The following NFIB variants were observed in gnomAD, a reference collection of about 807,000 sequenced individuals.
The protein encoded by NFIB is nuclear factor I B.
NFIB carries 11 observed loss-of-function variants against 61.5 expected under a neutral mutation model. The observed-to-expected ratio is 0.18, with a 90% CI of 0.11 to 0.30. NFIB has a LOEUF of 0.30. Among genes scored for constraint, NFIB ranks in the 10% least tolerant of loss-of-function variants. The pLI, the probability that NFIB is intolerant of heterozygous loss-of-function variation, is 1.00. For missense variants in NFIB, 471 were observed against 608.9 expected (o/e 0.77, Z 2.38); for synonymous variants, 260 against 216.5 (o/e 1.20, Z -1.76).
the NFIB span, among the ~76,000 whole-genome samples, chr9:14,435,069 C>G: frequency 6.6e-6 from 1 of 152,226 alleles, no homozygotes. Context: ...TCTTCCATCT[C>G]TCACAAATAC....
intron 1 of NFIB, among the ~76,000 whole-genome samples, chr9:14,346,380 C>T (rs1193567494): frequency 6.6e-6 from 1 of 150,770 alleles, no homozygotes; most frequent in Admixed American, 6.6e-5. Context: ...TCATCTGCCA[C>T]GTGTGATAGG....
At chr9:14,480,400 C>CCT in the NFIB span, among the ~76,000 whole-genome samples, 2 of 152,102 alleles carry the variant, frequency 1.3e-5, no homozygotes, top group African/African-American at 4.8e-5. Flanking sequence ...TTCAGACTCC[C>CCT]CTCAAGAGAC....
At chr9:14,377,013 A>T (rs981122800) in intron 1 of NFIB, among the ~76,000 whole-genome samples, 1 of 152,204 alleles carries the variant, frequency 6.6e-6, no homozygotes, top group Non-Finnish European at 1.5e-5. Context: ...CCAAAAAGAT[A>T]TACTGTATAA....
At chr9:14,329,662 G>A (rs1024352126) in intron 1 of NFIB, among the ~76,000 whole-genome samples, 8 of 151,760 alleles carry the variant, frequency 5.3e-5, no homozygotes, top group East Asian at 2.0e-4. Flanking sequence ...CTACAGGTGC[G>A]TACCACCATG....
At chr9:14,405,644 G>A in the NFIB span, among the ~76,000 whole-genome samples, 1 of 152,202 alleles carries the variant, frequency 6.6e-6, no homozygotes, top group Non-Finnish European at 1.5e-5. Flanking sequence ...GGCAAGGATT[G>A]GCTTGTTTTC....
At chr9:14,388,246 A>C (rs949660250) in intron 1 of NFIB, among the ~76,000 whole-genome samples, 1 of 152,008 alleles carries the variant, frequency 6.6e-6, no homozygotes, top group African/African-American at 2.4e-5. Context: ...GGTGGTATGC[A>C]CCTGTAGTCC....
chr9:14,342,697 A>G (rs1374851997), intron 1 of NFIB, among the ~76,000 whole-genome samples: 2 of 152,126 alleles, frequency 1.3e-5, no homozygotes, highest in Non-Finnish European at 2.9e-5. Context: ...TTATATTCAA[A>G]CCATGTGTGT....
the NFIB span, among the ~76,000 whole-genome samples, chr9:14,506,530 A>G: frequency 2.1e-3 from 326 of 152,350 alleles, 1 homozygote; most frequent in African/African-American, 7.6e-3. Flanking sequence ...TAAGGACAAT[A>G]TAACATGAAG....
chr9:14,279,544 C>G (rs960142295), intron 2 of NFIB, among the ~76,000 whole-genome samples: 2 of 152,176 alleles, frequency 1.3e-5, no homozygotes, highest in African/African-American at 4.8e-5. Flanking sequence ...CTCAAGGCAA[C>G]AGAGATCGAT....
the NFIB span, among the ~76,000 whole-genome samples, chr9:14,510,644 T>C: frequency 5.3e-5 from 8 of 152,240 alleles, no homozygotes; most frequent in African/African-American, 1.7e-4. Context: ...GTATTTTTTA[T>C]TTTAAAAGTA....
At chr9:14,274,139 T>C (rs2057824193) in intron 2 of NFIB, among the ~76,000 whole-genome samples, 5 of 152,004 alleles carry the variant, frequency 3.3e-5, no homozygotes, top group Non-Finnish European at 5.9e-5. Flanking sequence ...AAATGACAGA[T>C]GCAAATTATT....
intron 10 of NFIB, 114 bp from the exon 11 acceptor site, chr9:14,088,440 C>G: frequency 8.8e-7 from 1 of 1,137,408 alleles, no homozygotes; most frequent in Non-Finnish European, 1.1e-6. Flanking sequence ...ATTGCTATCC[C>G]TATTTTCAAA....
At chr9:14,139,174 G>C (rs2041412985) in intron 6 of NFIB, among the ~76,000 whole-genome samples, 1 of 152,182 alleles carries the variant, frequency 6.6e-6, no homozygotes. Flanking sequence ...CTTGAACAAA[G>C]ATCTAGGCTC....
intron 1 of NFIB, among the ~76,000 whole-genome samples, chr9:14,348,857 C>G (rs912905269): frequency 6.6e-5 from 10 of 152,266 alleles, no homozygotes; most frequent in African/African-American, 2.4e-4. Flanking sequence ...GCACGATTCT[C>G]TAAGTTCGGA....
In NFIB at chr9:14,216,546, C is replaced by CTCTCTCTCTCTGTG. The variant is rs2050942500; in HGVS notation, c.563-36767_563-36766insCACAGAGAGAGAGA. ...TCTCTCTCTCTCTCTCTCTCTCCCT[C>CTCTCTCTCTCTGTG]TGTGTGTGTGTGTGTGTGTGTGTGT... On this transcript the variant is annotated intron_variant, in intron 2 of 10. Transcript: ENST00000380953. 9.3e-5 allele frequency among the ~76,000 whole-genome samples: 2 copies of CTCTCTCTCTCTGTG among 21,514 alleles called. 1 individual carries two copies. The highest frequency in any genetic ancestry group is 6.3e-4 in the East Asian group (2 of 3,200). 14.1% of individuals were successfully genotyped at this position (21,514 alleles called of 152,430 possible). A position where few individuals can be genotyped will look rare whatever the true frequency, so the allele number is the denominator to read the frequency against.
the NFIB span, among the ~76,000 whole-genome samples, chr9:14,418,607 C>T: frequency 3.3e-5 from 5 of 152,288 alleles, no homozygotes; most frequent in African/African-American, 1.2e-4. Context: ...CCCTGTGTCT[C>T]TACATACTGG....
At chr9:14,461,112 A>T in the NFIB span, among the ~76,000 whole-genome samples, 5 of 152,236 alleles carry the variant, frequency 3.3e-5, no homozygotes, top group African/African-American at 1.2e-4. Flanking sequence ...ACAGTCCCAT[A>T]GCATCCCACA....
rs545020360 is a variant in NFIB at position 14,165,619 on chromosome 9, A to G, written c.617-9726T>C. On this transcript the variant is annotated intron_variant, in intron 3 of 10. Coordinates refer to ENST00000380953, the MANE Select transcript of NFIB (RefSeq NM_001190737.2). ...CACAAATAGAGACAAAGCAAATAAT[A>G]CAGACTCTTCAGCAAAATTCAACAA... Among the ~76,000 whole-genome samples, 4 of 152,292 alleles carry G rather than the reference A, an allele frequency of 2.6e-5. No homozygotes were observed. The East Asian group carries it at 7.7e-4, about 29-fold the overall frequency.
intron 2 of NFIB, among the ~76,000 whole-genome samples, chr9:14,289,031 C>T (rs889179843): frequency 1.3e-5 from 2 of 150,350 alleles, no homozygotes; most frequent in Admixed American, 6.7e-5. Flanking sequence ...TAATATACCA[C>T]ATATATATTA....
Sources: gnomAD v4.1 joint callset for allele counts (sites outside exome capture counted in the v4.1 genomes callset) on GRCh38, gnomAD v4.1.1 for gene constraint, MANE v1.5 for transcripts, NCBI Gene and HGNC (gene_info 2026-07-23, HGNC 2026-07-21) for gene names.